The following CRACR2A variants were observed in gnomAD, a reference collection of about 807,000 sequenced individuals.
The protein encoded by CRACR2A is EF-hand calcium-binding domain-containing protein 4B.
CRACR2A carries 79 observed loss-of-function variants against 90.5 expected under a neutral mutation model. That is an observed-to-expected ratio of 0.87 (90% CI 0.73 to 1.05). The LOEUF is 1.05. Among genes scored for constraint, CRACR2A ranks in the 50% least tolerant of loss-of-function variants. The pLI is 0.00. For synonymous variants in CRACR2A, 338 were observed against 356.7 expected, an observed-to-expected ratio of 0.95 and a Z score of 0.59; for missense variants, 823 against 897.2, an observed-to-expected ratio of 0.92 and a Z score of 1.06.
At chr12:3,638,496 A>G in intron 13 of CRACR2A, 42 bp from the exon 14 acceptor site, 2 of 1,485,740 alleles carry the variant, frequency 1.3e-6, no homozygotes, top group Non-Finnish European at 1.8e-6. Context: ...AGGATTTCAC[A>G]AAATATTTCA....
chr12:3,698,037 G>T (rs1945772974), intron 3 of CRACR2A, among the ~76,000 whole-genome samples: 1 of 152,128 alleles, frequency 6.6e-6, no homozygotes, highest in Non-Finnish European at 1.5e-5. Context: ...GGAGAACACT[G>T]GACCTGTTTG....
chr12:3,702,612 T>A (rs771222566), intron 3 of CRACR2A, among the ~76,000 whole-genome samples: 18 of 152,222 alleles, frequency 1.2e-4, no homozygotes, highest in Non-Finnish European at 2.6e-4. Context: ...CACTGAAAGC[T>A]ATAAAATATC....
At chr12:3,694,784 C>T (rs1397681775) in intron 4 of CRACR2A, among the ~76,000 whole-genome samples, 1 of 152,160 alleles carries the variant, frequency 6.6e-6, no homozygotes, top group Non-Finnish European at 1.5e-5. Context: ...CACTTGCCAG[C>T]CTGAAGAACT....
chr12:3,640,962 T>C (rs4766152), intron 13 of CRACR2A, among the ~76,000 whole-genome samples: 84,364 of 152,164 alleles, frequency 0.55, 23,564 homozygotes, highest in Admixed American at 0.65. Flanking sequence ...GCACAAGCCC[T>C]AGCCTTGTCT....
At position 3,648,382 on chromosome 12, in the gene CRACR2A, T is replaced by C. The variant is rs887304; in HGVS notation, c.1118+160A>G. On this transcript the variant is annotated intron_variant, in intron 11 of 19. Transcript: ENST00000440314. ...GACCAAACATAATAGAGTGGCTACT[T>C]GGTGGTCCAAACACTGCACTGGGGA... 1,112,095 of 1,522,590 alleles carry C rather than the reference T, an allele frequency of 0.73. 410,592 individuals are homozygous for C. The highest frequency in any genetic ancestry group is 0.99 in the East Asian group (43,635 of 43,902). 94.3% of individuals were successfully genotyped at this position (1,522,590 alleles called of 1,614,324 possible).
At chr12:3,664,430 G>A (rs530338019) in intron 7 of CRACR2A, among the ~76,000 whole-genome samples, 7 of 152,040 alleles carry the variant, frequency 4.6e-5, no homozygotes, top group Non-Finnish European at 1.0e-4. Context: ...AAAGTCTAAA[G>A]TCTTTTTTTT....
intron 11 of CRACR2A, among the ~76,000 whole-genome samples, chr12:3,645,402 C>G (rs573242235): frequency 6.6e-6 from 1 of 151,948 alleles, no homozygotes. Context: ...GGAGATGAAG[C>G]GAGAGAAAAA....
At chr12:3,690,417 C>T (rs531631837) in intron 4 of CRACR2A, among the ~76,000 whole-genome samples, 2 of 152,168 alleles carry the variant, frequency 1.3e-5, no homozygotes, top group Non-Finnish European at 2.9e-5. Flanking sequence ...TCTTTAATTA[C>T]CCCAAAGTCA....
intron 7 of CRACR2A, among the ~76,000 whole-genome samples, chr12:3,666,659 G>A (rs1403840422): frequency 3.9e-5 from 6 of 152,222 alleles, no homozygotes; most frequent in South Asian, 2.1e-4. Context: ...GTGCTACGCC[G>A]GAGCGAGGCA....
Position 3,746,373 on chromosome 12 carries a change from C to T in CRACR2A, c.-387+6642G>A, listed in dbSNP as rs1946626149. ...GAGAGCTCTCTCTCTCTCTCTCTCT[C>T]CCCATCTCTCTCTCCTCCCTCTTCC... On this transcript the variant is annotated intron_variant, in intron 1 of 19. Coordinates refer to ENST00000440314, the MANE Select transcript of CRACR2A (RefSeq NM_001144958.2). The surrounding 1 kb of genome is among the most constrained non-coding windows in gnomAD (Gnocchi z 4.4). Among the ~76,000 whole-genome samples the T allele has an allele frequency of 6.6e-6, 1 of 151,566 alleles. No individual in the cohort carries two copies. Among genetic ancestry groups the T allele is most frequent in the Non-Finnish European group, 1.5e-5 (1 of 67,890 alleles).
chr12:3,675,608 A>G lies in CRACR2A; in HGVS notation c.525-2016T>C, dbSNP rs149114270. On this transcript the variant is annotated intron_variant, in intron 6 of 19. Coordinates refer to ENST00000440314, the MANE Select transcript of CRACR2A (RefSeq NM_001144958.2). ...ACTACATAAATAATACCCCTGGAGAACCAGGACTCTTCCTAAAATTACGCC... is the reference window on the plus strand; with the variant it reads ...ACTACATAAATAATACCCCTGGAGAGCCAGGACTCTTCCTAAAATTACGCC... Among the ~76,000 whole-genome samples, 48 of 152,332 alleles carry G rather than the reference A, an allele frequency of 3.2e-4. No homozygotes were observed. In the East Asian group the frequency reaches 6.7e-3, roughly 21 times the overall value.
intron 1 of CRACR2A, among the ~76,000 whole-genome samples, chr12:3,740,706 T>C (rs1466856380): frequency 6.6e-6 from 1 of 152,164 alleles, no homozygotes; most frequent in African/African-American, 2.4e-5. Context: ...AGAGAGATCA[T>C]CTCCGTGTAC....
chr12:3,662,903 T>C (rs1244690147), intron 7 of CRACR2A, among the ~76,000 whole-genome samples: 1 of 152,262 alleles, frequency 6.6e-6, no homozygotes, highest in East Asian at 1.9e-4. Flanking sequence ...TTGCTTATCA[T>C]ATACATCCTC....
chr12:3,723,177 C>A (rs1946209725), intron 2 of CRACR2A, among the ~76,000 whole-genome samples: 1 of 152,188 alleles, frequency 6.6e-6, no homozygotes. Flanking sequence ...TACTTGCAGC[C>A]TTGACTAGAG....
intron 1 of CRACR2A, among the ~76,000 whole-genome samples, chr12:3,737,101 CA>C (rs1322710640): frequency 1.3e-5 from 2 of 152,152 alleles, no homozygotes; most frequent in African/African-American, 2.4e-5. Flanking sequence ...GACATGAAGA[CA>C]CACAAAGGGC....
intron 3 of CRACR2A, among the ~76,000 whole-genome samples, chr12:3,710,770 C>T (rs1393024818): frequency 2.1e-5 from 3 of 143,856 alleles, no homozygotes; most frequent in African/African-American, 7.8e-5. Context: ...TCCAGCCTGG[C>T]GACAGAGCGA....
At chr12:3,660,973 C>T (rs559904752) in intron 7 of CRACR2A, among the ~76,000 whole-genome samples, 1 of 152,166 alleles carries the variant, frequency 6.6e-6, no homozygotes, top group African/African-American at 2.4e-5. Flanking sequence ...GAGGAAACAG[C>T]CCTGGTTCTC....
At chr12:3,666,959 T>A (rs1945162077) in intron 7 of CRACR2A, among the ~76,000 whole-genome samples, 2 of 152,148 alleles carry the variant, frequency 1.3e-5, no homozygotes, top group South Asian at 4.1e-4. Context: ...TTCTCTACAA[T>A]TTAGGTACAT....
chr12:3,658,989 G>A (rs73047242), intron 8 of CRACR2A, among the ~76,000 whole-genome samples: 2,943 of 152,260 alleles, frequency 0.019, 47 homozygotes, highest in African/African-American at 0.035. Flanking sequence ...CACTTCCTCC[G>A]TGGTATCTGT....
Sources: allele counts gnomAD v4.1 joint callset (sites outside exome capture counted in the v4.1 genomes callset), GRCh38; gene constraint gnomAD v4.1.1; non-coding constraint Gnocchi (gnomAD v3.1); transcripts MANE v1.5; gene names NCBI Gene and HGNC (gene_info 2026-07-23, HGNC 2026-07-21).